Variants in FLT1 observed in about 807,000 individuals in gnomAD.
FLT1 encodes the protein fms related receptor tyrosine kinase 1.
FLT1 carries 49 observed loss-of-function variants against 156.3 expected under a neutral mutation model. That is an observed-to-expected ratio of 0.31 (90% confidence interval 0.25 to 0.40). FLT1 has a LOEUF of 0.40. FLT1 is among the 10% of genes least tolerant of loss of function. FLT1 has a pLI of 1.00. For synonymous variants in FLT1, 594 were observed against 583.8 expected (o/e 1.02, Z -0.25); for missense variants, 1,322 against 1,637.2 (o/e 0.81, Z 3.32).
At chr13:28,339,375 A>C in intron 16 of FLT1, 75 bp from the exon 17 acceptor site, 1 of 1,511,920 alleles carries the variant, frequency 6.6e-7, no homozygotes, top group Non-Finnish European at 9.0e-7. Context: ...GTTAACATCC[A>C]CTGTTTTATT....
chr13:28,322,809 A>G lies in FLT1; in HGVS notation c.2934T>C (p.Ser978=). 1 of 1,613,948 alleles carries G rather than the reference A, an allele frequency of 6.2e-7. No homozygotes were observed. The highest frequency in any genetic ancestry group is 8.5e-7 in the Non-Finnish European group (1 of 1,179,978). The part of the protein sequence containing the change: ...SSGFQEDKSL[S]DVEEEEDSDG... ...ACCTACCCTCCTCTTCCTCAACATC[A>G]CTCAGACTTTTATCTTCCTGAAAGC... The change falls in exon 21 of 30, where the codon AGT becomes AGC. Residue 978 remains serine, a synonymous_variant. Transcript: ENST00000282397. This position sits in a 1 kb window ranked among gnomAD's most constrained non-coding sequence, Gnocchi z 4.3.
intron 14 of FLT1, among the ~76,000 whole-genome samples, chr13:28,363,807 T>C (rs537137540): frequency 6.6e-6 from 1 of 152,240 alleles, no homozygotes; most frequent in Admixed American, 6.5e-5. Context: ...GAGACAGGGT[T>C]TCACCATGTT....
At chr13:28,373,837 C>T (rs1321932123) in intron 14 of FLT1, among the ~76,000 whole-genome samples, 1 of 152,068 alleles carries the variant, frequency 6.6e-6, no homozygotes, top group African/African-American at 2.4e-5. Flanking sequence ...AGTTTACCAC[C>T]CCCACTAACC....
intron 3 of FLT1, among the ~76,000 whole-genome samples, chr13:28,438,553 A>G (rs572812230): frequency 2.0e-5 from 3 of 152,294 alleles, no homozygotes; most frequent in South Asian, 2.1e-4. Context: ...ACCTAATTTC[A>G]TATCTGTTGT....
chr13:28,492,804 C>G (rs1215471291), intron 1 of FLT1, among the ~76,000 whole-genome samples: 2 of 152,162 alleles, frequency 1.3e-5, no homozygotes, highest in African/African-American at 2.4e-5. Context: ...TGCTTGTTAA[C>G]CAGACAGAGA....
At chr13:28,385,842 G>T in intron 13 of FLT1, 6 of 1,051,940 alleles carry the variant, frequency 5.7e-6, no homozygotes, top group Non-Finnish European at 6.9e-6. Flanking sequence ...TACCCCCAAG[G>T]CCCCCAATGA....
At chr13:28,393,980 C>T (rs929962453) in intron 12 of FLT1, among the ~76,000 whole-genome samples, 2 of 152,130 alleles carry the variant, frequency 1.3e-5, no homozygotes, top group African/African-American at 4.8e-5. Context: ...AAATTTTAGA[C>T]AGGCACTTTT....
At chr13:28,426,546 C>T (rs1276840338) in intron 10 of FLT1, among the ~76,000 whole-genome samples, 2 of 152,046 alleles carry the variant, frequency 1.3e-5, no homozygotes, top group African/African-American at 2.4e-5. Context: ...GTAACAAGGG[C>T]GTGAACAAAG....
chr13:28,491,380 A>T (rs957550426), intron 1 of FLT1, among the ~76,000 whole-genome samples: 1 of 152,216 alleles, frequency 6.6e-6, no homozygotes, highest in African/African-American at 2.4e-5. Flanking sequence ...AATAAGTGTT[A>T]GCTTTAAAAA....
intron 27 of FLT1, among the ~76,000 whole-genome samples, chr13:28,309,489 A>G (rs377019625): frequency 1.2e-4 from 19 of 152,250 alleles, no homozygotes; most frequent in African/African-American, 3.9e-4. Context: ...AGGAAAGACT[A>G]TTGGAGACAT....
At chr13:28,386,991 T>C (rs569872127) in intron 13 of FLT1, 1 of 1,041,284 alleles carries the variant, frequency 9.6e-7, no homozygotes, top group East Asian at 5.8e-5. Flanking sequence ...AACACTAAAA[T>C]TGTTTTTCTA....
chr13:28,322,457 A>G lies in FLT1; in HGVS notation c.2954-98T>C. The G allele has an allele frequency of 1.2e-6, 1 of 841,788 alleles. No individual in the cohort carries two copies. The highest frequency in any genetic ancestry group is 1.4e-5 in the South Asian group (1 of 71,664). The allele number at this position is 841,788 out of a possible 1,614,324, so 52.1% of individuals were successfully genotyped here. On this transcript the variant is annotated intron_variant, in intron 21 of 29. Transcript: ENST00000282397. The surrounding 1 kb of genome is among the most constrained non-coding windows in gnomAD (Gnocchi z 4.3). ...ATGTTAGCAAAACATAAAACAAACC[A>G]ACAAGTAGATCAGAGTTCATTTTTA... is the stretch of plus-strand genomic sequence containing the variant.
chr13:28,325,114 C>T (rs373066903), intron 20 of FLT1, among the ~76,000 whole-genome samples: 29 of 152,218 alleles, frequency 1.9e-4, no homozygotes, highest in Middle Eastern at 3.4e-3. Flanking sequence ...TAAGCTCCAC[C>T]AAGTTGCACA....
At position 28,322,009 on chromosome 13, in the gene FLT1, C is replaced by G. The variant is rs901846148; in HGVS notation, c.3051+253G>C. 3.3e-5 allele frequency among the ~76,000 whole-genome samples: 5 copies of G among 152,208 alleles called. No individual in the cohort carries two copies. The highest frequency in any genetic ancestry group is 2.0e-4 in the Admixed American group (3 of 15,286). ...AGATTTGAAAATATGCCAGAGGATA[C>G]TGTGGAGAGCCGATGCCAGGTTTGT... is the stretch of plus-strand genomic sequence containing the variant. On this transcript the variant is annotated intron_variant, in intron 22 of 29. Transcript: ENST00000282397. This position sits in a 1 kb window ranked among gnomAD's most constrained non-coding sequence, Gnocchi z 4.3.
intron 16 of FLT1, among the ~76,000 whole-genome samples, chr13:28,340,832 A>T (rs574423140): frequency 1.2e-4 from 18 of 152,240 alleles, no homozygotes; most frequent in African/African-American, 3.9e-4. Flanking sequence ...TCCATAAAGG[A>T]TGAGAAGCAA....
chr13:28,412,463 T>C (rs1001203630), intron 10 of FLT1, among the ~76,000 whole-genome samples: 2 of 150,512 alleles, frequency 1.3e-5, no homozygotes, highest in East Asian at 3.9e-4. Flanking sequence ...ACTGTGTTCC[T>C]CAGGCTGGAG....
rs762616469 is a variant in FLT1 at position 28,405,907 on chromosome 13, A to G, written c.1437-13T>C. The G allele has an allele frequency of 9.6e-6, 14 of 1,457,044 alleles. No homozygotes were observed. In the South Asian group the frequency reaches 1.4e-4, roughly 14 times the overall value. The allele number at this position is 1,457,044 out of a possible 1,614,324, so 90.3% of individuals were successfully genotyped here. On this transcript the variant is annotated splice_polypyrimidine_tract_variant and intron_variant, in intron 10 of 29. Coordinates refer to ENST00000282397, the MANE Select transcript of FLT1 (RefSeq NM_002019.4). ...ACAAAAGTCACACCTATTAAAAAAA[A>G]AAGTTGTCACAATGTGGCTTTACAG...
At chr13:28,332,775 G>A (rs976000859) in intron 18 of FLT1, among the ~76,000 whole-genome samples, 8 of 152,184 alleles carry the variant, frequency 5.3e-5, no homozygotes. Flanking sequence ...GCTGTTGAGA[G>A]GAAATAAGAA....
intron 1 of FLT1, among the ~76,000 whole-genome samples, chr13:28,494,009 T>A (rs539545506): frequency 2.0e-5 from 3 of 152,222 alleles, no homozygotes; most frequent in African/African-American, 7.2e-5. Context: ...GGGTCACTGA[T>A]GTCCGCGACA....
Sources: allele counts gnomAD v4.1 joint callset (sites outside exome capture counted in the v4.1 genomes callset), GRCh38; gene constraint gnomAD v4.1.1; non-coding constraint Gnocchi (gnomAD v3.1); transcripts MANE v1.5; gene names NCBI Gene and HGNC (gene_info 2026-07-23, HGNC 2026-07-21).